STAU2: variants seen among roughly 807,000 people sequenced by gnomAD.
The protein encoded by STAU2 is double-stranded RNA-binding protein Staufen homolog 2.
STAU2 carries 20 observed loss-of-function variants against 65.9 expected under a neutral mutation model. The ratio of observed to expected loss-of-function variants is 0.30; its 90% CI spans 0.21 to 0.44. The LOEUF is 0.44. STAU2 is among the 20% of genes least tolerant of loss of function. The pLI is 1.00. For synonymous variants in STAU2, 232 were observed against 233.9 expected (o/e 0.99, Z 0.07); for missense variants, 558 against 683.9 (o/e 0.82, Z 2.05).
At chr8:73,557,564 T>C (rs28710008) in intron 12 of STAU2, among the ~76,000 whole-genome samples, 47,167 of 152,142 alleles carry the variant, frequency 0.31, 7,580 homozygotes, top group Middle Eastern at 0.34. Flanking sequence ...TAGTAGGATG[T>C]GACTGTTTTC....
intron 3 of STAU2, among the ~76,000 whole-genome samples, 167 bp from the exon 4 acceptor site, chr8:73,709,329 T>C (rs2130645028): frequency 6.6e-6 from 1 of 152,272 alleles, no homozygotes; most frequent in African/African-American, 2.4e-5. Flanking sequence ...AACAGAAATA[T>C]GTATCACATT....
intron 4 of STAU2, among the ~76,000 whole-genome samples, chr8:73,695,140 G>T (rs1230998165): frequency 6.6e-6 from 1 of 152,192 alleles, no homozygotes; most frequent in Non-Finnish European, 1.5e-5. Context: ...ATGGCTAAGG[G>T]AGTGCTTATG....
At chr8:73,702,888 T>C (rs922044406) in intron 4 of STAU2, among the ~76,000 whole-genome samples, 2 of 152,098 alleles carry the variant, frequency 1.3e-5, no homozygotes, top group Admixed American at 6.5e-5. Context: ...AGGCTGACTA[T>C]ATAACCTGTA....
chr8:73,724,021 G>C (rs1213891691), intron 3 of STAU2, among the ~76,000 whole-genome samples: 1 of 152,126 alleles, frequency 6.6e-6, no homozygotes, highest in East Asian at 1.9e-4. Context: ...TAATTTACTA[G>C]TTCGCTCCAG....
chr8:73,569,862 C>T (rs565409298), intron 12 of STAU2, among the ~76,000 whole-genome samples: 1 of 152,282 alleles, frequency 6.6e-6, no homozygotes, highest in African/African-American at 2.4e-5. Flanking sequence ...TGGGGAGAAA[C>T]CAGAGCAGGA....
chr8:73,705,844 G>A (rs1441618381), intron 4 of STAU2, among the ~76,000 whole-genome samples: 1 of 152,148 alleles, frequency 6.6e-6, no homozygotes, highest in African/African-American at 2.4e-5. Flanking sequence ...TGATATAAGA[G>A]AAGACAATTC....
At chr8:73,667,914 G>A (rs1329717844) in intron 6 of STAU2, among the ~76,000 whole-genome samples, 1 of 152,190 alleles carries the variant, frequency 6.6e-6, no homozygotes, top group African/African-American at 2.4e-5. Flanking sequence ...TGTTCTGACT[G>A]TAATGGAAAT....
At chr8:73,574,341 A>G (rs1809347588) in intron 12 of STAU2, among the ~76,000 whole-genome samples, 1 of 152,222 alleles carries the variant, frequency 6.6e-6, no homozygotes. Context: ...TGTGCAAGAC[A>G]GTGTGGCCAC....
At chr8:73,613,616 C>A in intron 9 of STAU2, 128 bp downstream of exon 9, 1 of 619,326 alleles carries the variant, frequency 1.6e-6, no homozygotes, top group Non-Finnish European at 2.6e-6. Flanking sequence ...AGTCACATGT[C>A]CTGCCCTCAT....
intron 9 of STAU2, among the ~76,000 whole-genome samples, chr8:73,606,667 T>C (rs1039792378): frequency 3.3e-5 from 5 of 152,194 alleles, no homozygotes; most frequent in Non-Finnish European, 7.3e-5. Flanking sequence ...TGCTACAACT[T>C]TGAAAAACTA....
intron 5 of STAU2, chr8:73,675,370 T>TACACACACATAC: frequency 6.9e-6 from 1 of 145,572 alleles, no homozygotes; most frequent in South Asian, 2.2e-4. Flanking sequence ...CATACATGTA[T>TACACACACATAC]ACACACACAC....
chr8:73,741,304 C>CAAAAAAAAAAAAAAAAAA (rs761906073), intron 1 of STAU2, among the ~76,000 whole-genome samples: 1 of 112,110 alleles, frequency 8.9e-6, no homozygotes, highest in African/African-American at 4.0e-5. Context: ...GACTCCGTCT[C>CAAAAAAAAAAAAAAAAAA]AAAAAAAAAA....
chr8:73,526,116 G>C (rs1242799714), intron 13 of STAU2, among the ~76,000 whole-genome samples: 1 of 152,088 alleles, frequency 6.6e-6, no homozygotes, highest in Non-Finnish European at 1.5e-5. Context: ...GTTTATTTTT[G>C]GTTGGGCTCA....
chr8:73,634,832 G>A (rs1170809923), intron 6 of STAU2, among the ~76,000 whole-genome samples: 1 of 152,138 alleles, frequency 6.6e-6, no homozygotes, highest in Non-Finnish European at 1.5e-5. Flanking sequence ...TCACCTCTCA[G>A]CAAGACCTAA....
At chr8:73,628,708 T>C (rs1406813441) in intron 6 of STAU2, among the ~76,000 whole-genome samples, 1 of 152,204 alleles carries the variant, frequency 6.6e-6, no homozygotes, top group Non-Finnish European at 1.5e-5. Flanking sequence ...ATAAAAAGCA[T>C]GAAAGTATAA....
intron 6 of STAU2, among the ~76,000 whole-genome samples, chr8:73,669,985 CTAT>C (rs1253140630): frequency 2.6e-5 from 4 of 152,028 alleles, no homozygotes; most frequent in African/African-American, 9.7e-5. Context: ...TCTCATAAAT[CTAT>C]TTACTAGAGT....
intron 1 of STAU2, among the ~76,000 whole-genome samples, chr8:73,745,133 A>C (rs971720909): frequency 6.6e-6 from 1 of 152,252 alleles, no homozygotes; most frequent in Non-Finnish European, 1.5e-5. Context: ...ACTTGACTTG[A>C]AACCATAGCA....
At chr8:73,447,230 C>T (rs1050014811) in intron 13 of STAU2, among the ~76,000 whole-genome samples, 1 of 152,250 alleles carries the variant, frequency 6.6e-6, no homozygotes, top group Middle Eastern at 3.2e-3. Flanking sequence ...AGGCATGAGC[C>T]ACCGCAACCA....
At chr8:73,451,626 T>C (rs1818806053) in intron 13 of STAU2, among the ~76,000 whole-genome samples, 1 of 151,456 alleles carries the variant, frequency 6.6e-6, no homozygotes, top group South Asian at 2.1e-4. Flanking sequence ...GCAGACCAAC[T>C]CAGCGATGCT....
Sources: gnomAD v4.1 joint callset for allele counts (sites outside exome capture counted in the v4.1 genomes callset) on GRCh38, gnomAD v4.1.1 for gene constraint, MANE v1.5 for transcripts, NCBI Gene and HGNC (gene_info 2026-07-23, HGNC 2026-07-21) for gene names.